Variants in DGKG observed in about 807,000 individuals in gnomAD.
The protein encoded by DGKG is diacylglycerol kinase gamma.
Under a neutral mutation model 105.3 loss-of-function variants are expected in DGKG, and 78 were observed. The observed-to-expected ratio is 0.74, with a 90% confidence interval of 0.62 to 0.89. The LOEUF (loss-of-function observed/expected upper bound fraction) is 0.89. DGKG is among the 40% of genes least tolerant of loss of function. The pLI, the probability that DGKG is intolerant of heterozygous loss-of-function variation, is 0.00. For missense variants in DGKG, 958 were observed against 1,020.1 expected (o/e 0.94, Z 0.83); for synonymous variants, 346 against 367.1 (o/e 0.94, Z 0.66).
chr3:186,230,760 G>A (rs1319403237), intron 20 of DGKG, among the ~76,000 whole-genome samples: 1 of 152,174 alleles, frequency 6.6e-6, no homozygotes, highest in African/African-American at 2.4e-5. Context: ...AGCACAGGAG[G>A]CAAGCGGTCT....
At chr3:186,349,166 GGCTTAAGCAATCCTCCT>G (rs1402008732) in intron 1 of DGKG, among the ~76,000 whole-genome samples, 4 of 151,454 alleles carry the variant, frequency 2.6e-5, no homozygotes, top group Non-Finnish European at 5.9e-5. Context: ...TGACCTTCTG[GGCTTAAGCAATCCTCCT>G]GCCTCAGCTA....
intron 2 of DGKG, among the ~76,000 whole-genome samples, chr3:186,314,571 A>G (rs1436797787): frequency 6.6e-6 from 1 of 152,104 alleles, no homozygotes; most frequent in Non-Finnish European, 1.5e-5. Flanking sequence ...CCTGGCCAAC[A>G]TGGTGAAACC....
chr3:186,348,019 T>C (rs1726429304), intron 1 of DGKG, among the ~76,000 whole-genome samples: 1 of 152,228 alleles, frequency 6.6e-6, no homozygotes, highest in South Asian at 2.1e-4. Flanking sequence ...TTTTTCTGTG[T>C]TCAGCAATGA....
chr3:186,184,546 T>A (rs548015750), intron 22 of DGKG, among the ~76,000 whole-genome samples: 1 of 152,174 alleles, frequency 6.6e-6, no homozygotes, highest in South Asian at 2.1e-4. Context: ...ATTACAGGCA[T>A]GTGCTACCAT....
chr3:186,313,385 A>G (rs1282068387), intron 2 of DGKG: 2 of 588,144 alleles, frequency 3.4e-6, no homozygotes, highest in Non-Finnish European at 4.3e-6. Context: ...ACGTTTTTTA[A>G]GACACAATTT....
intron 21 of DGKG, among the ~76,000 whole-genome samples, chr3:186,202,011 A>G (rs1411530066): frequency 6.6e-6 from 1 of 152,210 alleles, no homozygotes; most frequent in African/African-American, 2.4e-5. Flanking sequence ...TGAAGGGCAT[A>G]TGGGCTGGGG....
chr3:186,156,201 G>A (rs1219726659), intron 24 of DGKG, among the ~76,000 whole-genome samples: 1 of 152,016 alleles, frequency 6.6e-6, no homozygotes. Flanking sequence ...GTGTAATTAT[G>A]ATCATCTATT....
chr3:186,253,658 C>T (rs576893653), intron 17 of DGKG, among the ~76,000 whole-genome samples: 1 of 152,326 alleles, frequency 6.6e-6, no homozygotes, highest in East Asian at 1.9e-4. Context: ...TCAATCTCAT[C>T]TGACTGCAGC....
At chr3:186,153,099 GT>G (rs1715850323) in intron 24 of DGKG, among the ~76,000 whole-genome samples, 1 of 151,224 alleles carries the variant, frequency 6.6e-6, no homozygotes, top group Non-Finnish European at 1.5e-5. Context: ...TCTCCTGCTT[GT>G]TTTTCAGCGG....
chr3:186,196,137 C>CTTTT (rs71164579), intron 21 of DGKG, among the ~76,000 whole-genome samples: 1 of 131,094 alleles, frequency 7.6e-6, no homozygotes, highest in African/African-American at 2.8e-5. Flanking sequence ...CTTTTTCTTT[C>CTTTT]TTTTTTTTTT....
At chr3:186,276,411 G>A (rs1304342224) in intron 9 of DGKG, among the ~76,000 whole-genome samples, 1 of 152,186 alleles carries the variant, frequency 6.6e-6, no homozygotes, top group Non-Finnish European at 1.5e-5. Flanking sequence ...ATAGCTGGCA[G>A]CAATATGGAT....
At chr3:186,174,810 G>A (rs1716998108) in intron 22 of DGKG, among the ~76,000 whole-genome samples, 1 of 152,134 alleles carries the variant, frequency 6.6e-6, no homozygotes, top group Non-Finnish European at 1.5e-5. Flanking sequence ...TCTTAGGCCA[G>A]TTGGGTACCC....
intron 12 of DGKG, 72 bp from the exon 13 acceptor site, chr3:186,267,849 T>C (rs1722129470): frequency 6.9e-7 from 1 of 1,457,326 alleles, no homozygotes; most frequent in Non-Finnish European, 9.6e-7. Context: ...GTGGAGAGGT[T>C]TGGGGGAGAG....
chr3:186,299,912 G>A (rs1221390915), intron 3 of DGKG, among the ~76,000 whole-genome samples: 1 of 149,224 alleles, frequency 6.7e-6, no homozygotes, highest in Non-Finnish European at 1.5e-5. Flanking sequence ...TCAGCTCACT[G>A]CAACATCTAC....
rs1043437007 is a variant in DGKG at position 186,164,932 on chromosome 3, T to C, written c.2182A>G (p.Arg728Gly). 22 of 1,614,018 alleles carry C rather than the reference T, an allele frequency of 1.4e-5. No individual in the cohort carries two copies. Among genetic ancestry groups the C allele is most frequent in the Non-Finnish European group, 1.8e-5 (21 of 1,179,984 alleles). Residue 728 changes from arginine to glycine, a missense_variant, in exon 23 of 25, where the codon AGG (arginine) becomes GGG (glycine). By Grantham distance (125) the Arg-to-Gly change is moderately radical (BLOSUM62 -2). Coordinates refer to ENST00000265022, the MANE Select transcript of DGKG (RefSeq NM_001346.3). The part of the protein sequence containing the change: ...QIYTGLKSAG[R>G]RLAQCASVTI... Reference sequence around the variant, plus strand: ...ACAGAGGCGCACTGGGCCAGCCTCCTGCCTGCACTCTTCAGGCCGGTGTAG... The same window carrying C: ...ACAGAGGCGCACTGGGCCAGCCTCCCGCCTGCACTCTTCAGGCCGGTGTAG...
rs144091607 is a variant in DGKG, at chr3:186,155,945, T to C, written c.2277+5658A>G. Among the ~76,000 whole-genome samples the C allele has an allele frequency of 6.5e-3, 996 of 152,342 alleles. 16 individuals are homozygous for C. The highest frequency in any genetic ancestry group is 0.023 in the African/African-American group (951 of 41,576). On this transcript the variant is annotated intron_variant, in intron 24 of 24. Coordinates refer to ENST00000265022, the MANE Select transcript of DGKG (RefSeq NM_001346.3). ...ATTAAATATTATTTCATAGATTTAT[T>C]AGCCCATGACACTTCTTCTATGAAT...
intron 12 of DGKG, among the ~76,000 whole-genome samples, chr3:186,268,439 T>C (rs542296245): frequency 6.6e-6 from 1 of 152,218 alleles, no homozygotes; most frequent in African/African-American, 2.4e-5. Flanking sequence ...CCTATGATGC[T>C]CCTGTTGTCC....
intron 3 of DGKG, among the ~76,000 whole-genome samples, chr3:186,302,875 C>A (rs1022062269): frequency 6.6e-6 from 1 of 152,100 alleles, no homozygotes; most frequent in Non-Finnish European, 1.5e-5. Flanking sequence ...ATGCATGTCC[C>A]CATCCTAGAG....
chr3:186,270,191 T>G (rs1337593249), intron 11 of DGKG, among the ~76,000 whole-genome samples: 1 of 152,158 alleles, frequency 6.6e-6, no homozygotes, highest in Non-Finnish European at 1.5e-5. Context: ...AGTGGCATGA[T>G]CACAACTCAC....
Sources: gnomAD v4.1 joint callset for allele counts (sites outside exome capture counted in the v4.1 genomes callset) on GRCh38, gnomAD v4.1.1 for gene constraint, MANE v1.5 for transcripts, NCBI Gene and HGNC (gene_info 2026-07-23, HGNC 2026-07-21) for gene names.